Variants in CDK14 observed in about 807,000 individuals in gnomAD.
The protein encoded by CDK14 is cyclin-dependent kinase 14.
In CDK14, 34 loss-of-function variants were observed where a neutral mutation model predicts 60.7. The ratio of observed to expected loss-of-function variants is 0.56; its 90% CI spans 0.43 to 0.75. CDK14 has a LOEUF of 0.75. Ranked by LOEUF, CDK14 falls within the 30% of genes least tolerant of loss-of-function variation. CDK14 has a pLI of 0.00. For synonymous variants in CDK14, 197 were observed against 203.7 expected, an observed-to-expected ratio of 0.97 and a Z score of 0.28; for missense variants, 482 against 564.1, an observed-to-expected ratio of 0.85 and a Z score of 1.47.
At chr7:90,746,376 A>T (rs925669743) in intron 3 of CDK14, among the ~76,000 whole-genome samples, 1 of 152,148 alleles carries the variant, frequency 6.6e-6, no homozygotes, top group Middle Eastern at 3.2e-3. Flanking sequence ...TTGCCCACAT[A>T]TTGTGTGTTT....
intron 2 of CDK14, among the ~76,000 whole-genome samples, chr7:90,638,762 G>T (rs893460933): frequency 7.9e-5 from 12 of 152,116 alleles, no homozygotes; most frequent in African/African-American, 1.2e-4. Context: ...TCACTTTCAG[G>T]TACACCAATC....
chr7:90,943,626 A>C (rs1584150357), intron 8 of CDK14, among the ~76,000 whole-genome samples: 1 of 152,148 alleles, frequency 6.6e-6, no homozygotes, highest in Non-Finnish European at 1.5e-5. Context: ...TTGTATTTTT[A>C]TTTACAATAT....
intron 2 of CDK14, among the ~76,000 whole-genome samples, chr7:90,651,715 A>G (rs1442978790): frequency 6.6e-6 from 1 of 151,866 alleles, no homozygotes; most frequent in East Asian, 1.9e-4. Context: ...TGTCTTCTCC[A>G]TCTGGTCCTT....
intron 2 of CDK14, chr7:90,726,279 C>G (rs555258079): frequency 5.3e-4 from 525 of 982,060 alleles, no homozygotes; most frequent in Admixed American, 6.2e-4. Context: ...AAACGTGTGA[C>G]AGAGTTCAAG....
chr7:90,998,935 C>G (rs1795763335), intron 10 of CDK14, among the ~76,000 whole-genome samples: 1 of 151,994 alleles, frequency 6.6e-6, no homozygotes, highest in South Asian at 2.1e-4. Context: ...TCTTAGAGTT[C>G]TGGAGGCTGG....
chr7:90,976,778 T>C (rs1795085760), intron 9 of CDK14, among the ~76,000 whole-genome samples: 1 of 152,146 alleles, frequency 6.6e-6, no homozygotes, highest in African/African-American at 2.4e-5. Context: ...AAATATTTAC[T>C]CTCATTTTGT....
chr7:90,921,842 A>G (rs545357019), intron 8 of CDK14, among the ~76,000 whole-genome samples: 2 of 152,282 alleles, frequency 1.3e-5, no homozygotes, highest in East Asian at 3.9e-4. Context: ...CCTAATGTTG[A>G]TAGTTTCTCT....
chr7:90,768,030 C>T (rs1383594309), intron 4 of CDK14, among the ~76,000 whole-genome samples: 2 of 152,186 alleles, frequency 1.3e-5, no homozygotes, highest in African/African-American at 2.4e-5. Context: ...ATTGTTTACA[C>T]GTATTTATTC....
chr7:91,172,613 C>G (rs1801559081), intron 14 of CDK14, among the ~76,000 whole-genome samples: 1 of 152,334 alleles, frequency 6.6e-6, no homozygotes, highest in East Asian at 1.9e-4. Context: ...GCTGCATGAT[C>G]TGTCCCTGAT....
intron 9 of CDK14, among the ~76,000 whole-genome samples, chr7:90,974,316 A>G (rs1795009372): frequency 6.6e-6 from 1 of 152,140 alleles, no homozygotes; most frequent in Non-Finnish European, 1.5e-5. Context: ...TGTTTTACAA[A>G]CAATTTGTAC....
At chr7:90,832,705 A>G (rs982963987) in intron 5 of CDK14, among the ~76,000 whole-genome samples, 5 of 152,228 alleles carry the variant, frequency 3.3e-5, no homozygotes, top group Non-Finnish European at 7.3e-5. Flanking sequence ...AATGCAGGAA[A>G]CACTTTTCCT....
chr7:91,104,451 G>T (rs1483622177), intron 12 of CDK14, among the ~76,000 whole-genome samples: 1 of 152,136 alleles, frequency 6.6e-6, no homozygotes, highest in Non-Finnish European at 1.5e-5. Flanking sequence ...TGAAAAATCT[G>T]CAGTCTTCCA....
intron 2 of CDK14, among the ~76,000 whole-genome samples, chr7:90,675,475 A>C (rs1801181693): frequency 6.6e-6 from 1 of 152,076 alleles, no homozygotes. Flanking sequence ...TGGTAATTGC[A>C]AAGTATCATC....
chr7:90,952,571 T>A (rs1464724674), intron 8 of CDK14, among the ~76,000 whole-genome samples: 1 of 152,154 alleles, frequency 6.6e-6, no homozygotes, highest in Non-Finnish European at 1.5e-5. Flanking sequence ...CCATTTTAGG[T>A]GCCCATCGGA....
chr7:90,596,867 C>T (rs944569615), intron 1 of CDK14, 149 bp downstream of exon 1: 2 of 644,990 alleles, frequency 3.1e-6, no homozygotes, highest in Non-Finnish European at 5.5e-6. Flanking sequence ...GCTAGGGACC[C>T]GGGGGAGGGC....
At chr7:90,962,609 G>A (rs899414571) in intron 9 of CDK14, among the ~76,000 whole-genome samples, 2 of 152,058 alleles carry the variant, frequency 1.3e-5, no homozygotes, top group Non-Finnish European at 2.9e-5. Flanking sequence ...TCATTTATTG[G>A]CAATAAATTA....
At chr7:90,849,303 C>T (rs182819986) in intron 5 of CDK14, among the ~76,000 whole-genome samples, 77 of 151,250 alleles carry the variant, frequency 5.1e-4, no homozygotes, top group Non-Finnish European at 9.9e-4. Flanking sequence ...CAGAAATCTT[C>T]CTGAGGCCTC....
intron 1 of CDK14, among the ~76,000 whole-genome samples, chr7:90,598,263 C>T (rs1388448346): frequency 6.6e-6 from 1 of 152,108 alleles, no homozygotes; most frequent in East Asian, 1.9e-4. Flanking sequence ...CTAAAAGTTC[C>T]TTATATTTAA....
At chr7:91,173,233 A>G (rs1801585246) in intron 14 of CDK14, among the ~76,000 whole-genome samples, 1 of 152,172 alleles carries the variant, frequency 6.6e-6, no homozygotes, top group Admixed American at 6.5e-5. Flanking sequence ...TCTTCCAGGG[A>G]TGCATCAACT....
Sources: gnomAD v4.1 joint callset for allele counts (sites outside exome capture counted in the v4.1 genomes callset) on GRCh38, gnomAD v4.1.1 for gene constraint, MANE v1.5 for transcripts, NCBI Gene and HGNC (gene_info 2026-07-23, HGNC 2026-07-21) for gene names.